COL6A6: variants seen among roughly 807,000 people sequenced by gnomAD.
COL6A6 encodes the protein collagen alpha-6(VI) chain.
A neutral mutation model predicts 208.6 loss-of-function variants in COL6A6; 183 were observed. The observed-to-expected ratio is 0.88, with a 90% CI of 0.78 to 0.99. COL6A6 has a LOEUF of 0.99. Among genes scored for constraint, COL6A6 ranks in the 50% least tolerant of loss-of-function variants. The probability of loss-of-function intolerance (pLI) is 0.00; values close to 1 mark genes in which losing one functional copy is unlikely to be tolerated. For missense variants in COL6A6, 2,816 were observed against 2,815.2 expected, an observed-to-expected ratio of 1.00 and a Z score of -0.01; for synonymous variants, 973 against 1,011.8, an observed-to-expected ratio of 0.96 and a Z score of 0.73.
At chr3:130,545,737 G>A (rs534603967) in intron 1 of COL6A6, among the ~76,000 whole-genome samples, 6 of 152,296 alleles carry the variant, frequency 3.9e-5, no homozygotes, top group Admixed American at 1.3e-4. Context: ...GATTACAGGC[G>A]TGAGCCACTG....
At chr3:130,566,068 T>C (rs1450869918) in intron 4 of COL6A6, among the ~76,000 whole-genome samples, 1 of 152,166 alleles carries the variant, frequency 6.6e-6, no homozygotes, top group Non-Finnish European at 1.5e-5. Flanking sequence ...AATTATGTAA[T>C]TTGTTGTGGG....
intron 12 of COL6A6, chr3:130,589,858 A>G (rs4515022): frequency 0.98 from 274,684 of 279,034 alleles, 135,222 homozygotes; most frequent in African/African-American, 1. Context: ...GTTTGTTTAC[A>G]TGTGTTTTAT....
At chr3:130,610,137 CCAAA>C (rs2064311645) in intron 22 of COL6A6, among the ~76,000 whole-genome samples, 1 of 151,922 alleles carries the variant, frequency 6.6e-6, no homozygotes, top group South Asian at 2.1e-4. Context: ...GAGGCAAAAA[CCAAA>C]CACAGCATGA....
Position 130,635,071 on chromosome 3 carries a change from C to T in COL6A6, c.5028+446C>T, listed in dbSNP as rs556327739. ...CCAACATGGCAAAACCCCATCTCTA[C>T]GAAAAATACAAAAATTAGCTAGGCG... On this transcript the variant is annotated intron_variant, in intron 27 of 36. Transcript: ENST00000358511. 1.3e-4 allele frequency among the ~76,000 whole-genome samples: 20 copies of T among 151,990 alleles called. No homozygotes were observed. The South Asian group carries it at 1.7e-3, about 13-fold the overall frequency.
Position 130,565,019 on chromosome 3 carries a change from T to C in COL6A6, c.687T>C (p.Asp229=), listed in dbSNP as rs747630698. 6.2e-7 allele frequency: 1 copy of C among 1,613,700 alleles called. No homozygotes were observed. ...VEACQGPSMA[D]VVFLLDMSIN... is the part of the protein sequence containing the mutation. ...CTTGCCAAGGCCCTTCTATGGCCGATGTTGTGTTCCTATTGGATATGTCAA... is the reference window on the plus strand; with the variant it reads ...CTTGCCAAGGCCCTTCTATGGCCGACGTTGTGTTCCTATTGGATATGTCAA... Residue 229 remains aspartate (D), a synonymous_variant, in exon 4 of 37, where the codon GAT becomes GAC. Transcript: ENST00000358511.
At chr3:130,548,891 G>A (rs766388697) in intron 1 of COL6A6, among the ~76,000 whole-genome samples, 1 of 152,200 alleles carries the variant, frequency 6.6e-6, no homozygotes, top group Admixed American at 6.5e-5. Flanking sequence ...GGGGGCAGGG[G>A]TTTGTCCTGT....
At chr3:130,619,830 G>A in intron 23 of COL6A6, among the ~76,000 whole-genome samples, 1 of 152,120 alleles carries the variant, frequency 6.6e-6, no homozygotes, top group Non-Finnish European at 1.5e-5. Context: ...TGGTAGTAAA[G>A]GGTGATACTA....
chr3:130,582,414 T>C (rs916457548), intron 10 of COL6A6, among the ~76,000 whole-genome samples: 1 of 152,020 alleles, frequency 6.6e-6, no homozygotes, highest in Admixed American at 6.6e-5. Context: ...AAGAGAAGAG[T>C]ATATTTCTCC....
At chr3:130,662,508 A>T (rs1462512030) in intron 35 of COL6A6, among the ~76,000 whole-genome samples, 200 bp downstream of exon 35, 1 of 149,278 alleles carries the variant, frequency 6.7e-6, no homozygotes, top group Admixed American at 6.7e-5. Context: ...TTTCTGGCTT[A>T]TTTTTTTTTT....
At chr3:130,672,397 G>C (rs1454538264) in intron 36 of COL6A6, among the ~76,000 whole-genome samples, 3 of 147,702 alleles carry the variant, frequency 2.0e-5, no homozygotes, top group Non-Finnish European at 2.9e-5. Context: ...CTCAAATTGA[G>C]TAATCACATT....
intron 1 of COL6A6, among the ~76,000 whole-genome samples, chr3:130,552,081 T>C (rs1577679013): frequency 6.6e-6 from 1 of 152,186 alleles, no homozygotes; most frequent in South Asian, 2.1e-4. Flanking sequence ...TTTTAGAGTA[T>C]GTGCCATGTG....
At chr3:130,672,440 T>TC (rs752345018) in intron 36 of COL6A6, among the ~76,000 whole-genome samples, 15 of 151,726 alleles carry the variant, frequency 9.9e-5, no homozygotes, top group Non-Finnish European at 1.5e-4. Context: ...TCTCACTCTG[T>TC]CACCCAGGCT....
chr3:130,575,803 G>T (rs573213201), intron 8 of COL6A6, among the ~76,000 whole-genome samples: 12 of 152,246 alleles, frequency 7.9e-5, no homozygotes, highest in Admixed American at 3.9e-4. Flanking sequence ...CTAAAGCTGG[G>T]TCCATTCATA....
intron 7 of COL6A6, among the ~76,000 whole-genome samples, chr3:130,571,842 ATTTTT>A (rs67080729): frequency 9.0e-6 from 1 of 110,846 alleles, no homozygotes; most frequent in East Asian, 2.6e-4. Flanking sequence ...GGCATGGCTA[ATTTTT>A]TTTTTTTTTT....
At chr3:130,671,684 G>A (rs2066219918) in intron 36 of COL6A6, among the ~76,000 whole-genome samples, 1 of 152,226 alleles carries the variant, frequency 6.6e-6, no homozygotes, top group Non-Finnish European at 1.5e-5. Context: ...GACTCATCAG[G>A]TCTTTAGAAT....
At chr3:130,591,144 A>G (rs770649431) in intron 13 of COL6A6, 50 bp downstream of exon 13, 25 of 1,325,604 alleles carry the variant, frequency 1.9e-5, no homozygotes, top group Non-Finnish European at 2.6e-5. Flanking sequence ...AACATCTACA[A>G]TATGAATTTC....
At chr3:130,640,176 G>T (rs181995431) in intron 28 of COL6A6, among the ~76,000 whole-genome samples, 7 of 152,234 alleles carry the variant, frequency 4.6e-5, no homozygotes, top group Admixed American at 3.9e-4. Context: ...GGAGGTTCCC[G>T]GTGCTGCCAA....
chr3:130,620,288 A>G (rs552526162), intron 23 of COL6A6, among the ~76,000 whole-genome samples: 3 of 152,324 alleles, frequency 2.0e-5, no homozygotes, highest in South Asian at 4.1e-4. Flanking sequence ...AGTGAGAACA[A>G]TAAGGCCAGA....
At chr3:130,609,952 CTTTTTT>C (rs1054764231) in intron 22 of COL6A6, among the ~76,000 whole-genome samples, 2 of 116,292 alleles carry the variant, frequency 1.7e-5, no homozygotes, top group Non-Finnish European at 3.6e-5. Flanking sequence ...GGAAAGCTCA[CTTTTTT>C]TTTTTTTTTT....
Sources: gnomAD v4.1 joint callset for allele counts (sites outside exome capture counted in the v4.1 genomes callset) on GRCh38, gnomAD v4.1.1 for gene constraint, MANE v1.5 for transcripts, NCBI Gene and HGNC (gene_info 2026-07-23, HGNC 2026-07-21) for gene names.